PUDP: variants seen among roughly 807,000 people sequenced by gnomAD.
PUDP encodes the protein pseudouridine-5'-phosphatase.
PUDP carries 8 observed loss-of-function variants against 9.4 expected under a neutral mutation model. That is an observed-to-expected ratio of 0.85 (90% confidence interval 0.50 to 1.53). The LOEUF is 1.53. PUDP is among the 40% of genes most tolerant of loss of function. The probability of loss-of-function intolerance (pLI) is 0.00; values close to 1 mark genes in which losing one functional copy is unlikely to be tolerated. For missense variants in PUDP, 188 were observed against 189.7 expected (o/e 0.99, Z 0.05); for synonymous variants, 99 against 80.7 (o/e 1.23, Z -1.22).
intron 3 of PUDP, among the ~76,000 whole-genome samples, chrX:6,786,830 CT>C (rs1000634846): frequency 4.5e-5 from 5 of 112,045 alleles, no homozygotes; most frequent in African/African-American, 1.6e-4. Flanking sequence ...CATTCTACAT[CT>C]TTAAAAGTCA....
chrX:6,740,122 C>A (rs915763836), intron 3 of PUDP, among the ~76,000 whole-genome samples: 1 of 111,844 alleles, frequency 8.9e-6, no homozygotes, highest in African/African-American at 3.3e-5. Context: ...GAGTGAAAGT[C>A]CTATATCCTG....
In PUDP at chrX:7,018,774, C is replaced by T. The variant is rs183996349; in HGVS notation, c.205-40431G>A. ...GGCATTTGAACCAGAGTGGCTCCAT[C>T]TTGAGTGAGGGCTAGGAAAATGAGG... On this transcript the variant is annotated intron_variant and NMD_transcript_variant, in intron 1 of 3. Transcript: ENST00000655425. 7.1e-3 allele frequency among the ~76,000 whole-genome samples: 798 copies of T among 111,725 alleles called. 2 individuals are homozygous for T. Among genetic ancestry groups the T allele is most frequent in the Middle Eastern group, 0.014 (3 of 217 alleles).
intron 1 of PUDP, among the ~76,000 whole-genome samples, chrX:7,011,676 A>G (rs1929479098): frequency 1.8e-5 from 2 of 112,400 alleles, no homozygotes; most frequent in Non-Finnish European, 1.9e-5. Flanking sequence ...GCACCCCTGC[A>G]ACTGCCCGGT....
intron 3 of PUDP, among the ~76,000 whole-genome samples, chrX:6,776,533 A>AAAAC (rs1338148288): frequency 6.3e-5 from 7 of 110,984 alleles, no homozygotes; most frequent in African/African-American, 2.3e-4. Flanking sequence ...TCCATCACAA[A>AAAAC]AAACAAACAA....
At chrX:6,919,079 A>C (rs1927978846) in intron 3 of PUDP, among the ~76,000 whole-genome samples, 1 of 111,943 alleles carries the variant, frequency 8.9e-6, no homozygotes, top group Admixed American at 9.5e-5. Flanking sequence ...ATAAAAATAG[A>C]GGCTCCTCTT....
intron 3 of PUDP, among the ~76,000 whole-genome samples, chrX:6,843,681 C>A (rs1056640687): frequency 8.9e-6 from 1 of 111,795 alleles, no homozygotes; most frequent in Non-Finnish European, 1.9e-5. Context: ...GAAATCTCCA[C>A]CCTATGGGAA....
chrX:6,984,447 GA>G (rs1334499017), intron 1 of PUDP, among the ~76,000 whole-genome samples: 1 of 111,878 alleles, frequency 8.9e-6, no homozygotes, highest in Non-Finnish European at 1.9e-5. Context: ...ATTTTTTAAG[GA>G]AAAATATAGA....
At chrX:6,760,508 T>C (rs188348352) in intron 3 of PUDP, among the ~76,000 whole-genome samples, 305 of 112,126 alleles carry the variant, frequency 2.7e-3, no homozygotes, top group Non-Finnish European at 4.6e-3. Context: ...ACAGAATGCA[T>C]CCCATCTGTA....
intron 3 of PUDP, among the ~76,000 whole-genome samples, chrX:6,939,467 C>T (rs916756951): frequency 3.7e-5 from 4 of 107,945 alleles, no homozygotes; most frequent in African/African-American, 1.3e-4. Context: ...AAAACCATGG[C>T]ATTAGATGAA....
intron 3 of PUDP, among the ~76,000 whole-genome samples, chrX:6,831,720 G>A (rs941308207): frequency 8.9e-5 from 10 of 111,996 alleles, no homozygotes; most frequent in African/African-American, 3.2e-4. Context: ...CAGTTACTAG[G>A]TGCCAGTCAT....
At chrX:6,774,214 A>G (rs781388660) in intron 3 of PUDP, among the ~76,000 whole-genome samples, 3 of 112,107 alleles carry the variant, frequency 2.7e-5, no homozygotes, top group Non-Finnish European at 3.8e-5. Context: ...AGGAAAAGTC[A>G]CAGAGCTGTA....
At chrX:6,853,513 A>T (rs1645404129) in intron 3 of PUDP, among the ~76,000 whole-genome samples, 1 of 109,812 alleles carries the variant, frequency 9.1e-6, no homozygotes, top group African/African-American at 3.3e-5. Context: ...TAAAGTGTGC[A>T]ATTAATTCCA....
intron 3 of PUDP, among the ~76,000 whole-genome samples, chrX:6,859,833 G>A (rs1396474894): frequency 9.1e-6 from 1 of 110,385 alleles, no homozygotes; most frequent in African/African-American, 3.3e-5. Context: ...CTAATCCCCT[G>A]CCCACCAAAT....
At chrX:7,010,186 T>C (rs921660046) in intron 1 of PUDP, among the ~76,000 whole-genome samples, 1 of 111,670 alleles carries the variant, frequency 9.0e-6, no homozygotes, top group Non-Finnish European at 1.9e-5. Context: ...ATTGCTCACA[T>C]CTAGTGTAGG....
At chrX:6,857,414 T>C (rs947186856) in intron 3 of PUDP, among the ~76,000 whole-genome samples, 9 of 112,553 alleles carry the variant, frequency 8.0e-5, no homozygotes, top group African/African-American at 2.9e-4. Context: ...TAAATATGTT[T>C]CAAATTATGG....
intron 1 of PUDP, among the ~76,000 whole-genome samples, chrX:6,713,002 G>C (rs1199110427): frequency 1.8e-5 from 2 of 111,888 alleles, no homozygotes; most frequent in Non-Finnish European, 3.8e-5. Flanking sequence ...AGCCAAGATC[G>C]TGCCACTGCA....
chrX:6,932,766 G>A (rs1286451325), intron 3 of PUDP, among the ~76,000 whole-genome samples: 2 of 111,867 alleles, frequency 1.8e-5, no homozygotes, highest in Non-Finnish European at 3.8e-5. Context: ...ACTCCCACCC[G>A]AATACTGCGC....
chrX:6,813,755 G>A (rs1192943413), intron 3 of PUDP, among the ~76,000 whole-genome samples: 1 of 111,479 alleles, frequency 9.0e-6, no homozygotes, highest in African/African-American at 3.3e-5. Flanking sequence ...TGGTTTGGGT[G>A]TAACTTTTGT....
At chrX:6,887,987 G>A (rs183650163) in intron 3 of PUDP, among the ~76,000 whole-genome samples, 218 of 111,676 alleles carry the variant, frequency 2.0e-3, no homozygotes, top group African/African-American at 6.3e-3. Flanking sequence ...CCACAGGAAC[G>A]AAGTTAGGGA....
Sources: allele counts gnomAD v4.1 joint callset (sites outside exome capture counted in the v4.1 genomes callset), GRCh38; gene constraint gnomAD v4.1.1; transcripts MANE v1.5; gene names NCBI Gene and HGNC (gene_info 2026-07-23, HGNC 2026-07-21).